The following CEP120 variants were observed in gnomAD, a reference collection of about 807,000 sequenced individuals.
The protein encoded by CEP120 is centrosomal protein of 120 kDa.
CEP120 carries 113 observed loss-of-function variants against 126.5 expected under a neutral mutation model. The observed-to-expected ratio is 0.89, with a 90% CI of 0.77 to 1.04. The LOEUF is 1.04. CEP120 is among the 50% of genes least tolerant of loss of function. The probability of loss-of-function intolerance (pLI) is 0.00; values close to 1 mark genes in which losing one functional copy is unlikely to be tolerated. For synonymous variants in CEP120, 400 were observed against 394.3 expected, an observed-to-expected ratio of 1.01 and a Z score of -0.17; for missense variants, 1,230 against 1,155.7, an observed-to-expected ratio of 1.06 and a Z score of -0.93.
At chr5:123,422,750 C>A (rs1016041944) in intron 1 of CEP120, among the ~76,000 whole-genome samples, 200 bp downstream of exon 1, 11 of 152,226 alleles carry the variant, frequency 7.2e-5, no homozygotes, top group African/African-American at 2.7e-4. Flanking sequence ...TATCACTTAT[C>A]CCTAATAGCG....
At chr5:123,370,243 G>C (rs924598128) in intron 17 of CEP120, among the ~76,000 whole-genome samples, 1 of 151,910 alleles carries the variant, frequency 6.6e-6, no homozygotes, top group Non-Finnish European at 1.5e-5. Context: ...GTTCCTAGAG[G>C]AATCTATTCC....
At chr5:123,421,756 G>C (rs755707998) in intron 1 of CEP120, among the ~76,000 whole-genome samples, 1 of 152,164 alleles carries the variant, frequency 6.6e-6, no homozygotes, top group Non-Finnish European at 1.5e-5. Context: ...TCAGTTATAA[G>C]TCTAAAAACT....
Position 123,386,874 on chromosome 5 carries a change from C to T in CEP120, c.1431-207G>A, listed in dbSNP as rs61604748. ...CCTACCTTTTTTATCTCTGCACTCC[C>T]AGGGACACAGGCAGTTTCTGCCATA... On this transcript the variant is annotated intron_variant, in intron 9 of 19. Coordinates refer to ENST00000306467, the MANE Select transcript of CEP120 (RefSeq NM_001375405.1). 0.4 allele frequency among the ~76,000 whole-genome samples: 60,879 copies of T among 151,820 alleles called. 12,345 individuals carry two copies. The highest frequency in any genetic ancestry group is 0.48 in the East Asian group (2,459 of 5,160).
intron 2 of CEP120, among the ~76,000 whole-genome samples, chr5:123,416,560 G>A (rs1774405958): frequency 6.6e-6 from 1 of 151,764 alleles, no homozygotes; most frequent in Non-Finnish European, 1.5e-5. Flanking sequence ...GACAGATCAA[G>A]ACTCCATCTC....
At chr5:123,392,422 G>A (rs2127073871) in intron 6 of CEP120, among the ~76,000 whole-genome samples, 1 of 152,254 alleles carries the variant, frequency 6.6e-6, no homozygotes, top group East Asian at 1.9e-4. Context: ...AAACAAATGA[G>A]TATCTAAGCG....
At position 123,408,268 on chromosome 5, in the gene CEP120, T is replaced by C. The variant is rs184636691; in HGVS notation, c.463+4131A>G. On this transcript the variant is annotated intron_variant, in intron 4 of 19. Transcript: ENST00000306467. ...GTAAGCAGAAGATAATAATAAAAAT[T>C]ACAGCAAATCAATAGAACTGAAGAC... Among the ~76,000 whole-genome samples, 12 of 151,428 alleles carry C rather than the reference T, an allele frequency of 7.9e-5. No individual in the cohort carries two copies. The East Asian group carries it at 2.3e-3, about 29-fold the overall frequency.
intron 3 of CEP120, among the ~76,000 whole-genome samples, chr5:123,414,556 TTTTAATTG>T (rs1774262002): frequency 6.6e-6 from 1 of 152,206 alleles, no homozygotes; most frequent in Non-Finnish European, 1.5e-5. Context: ...GAAGATATTA[TTTTAATTG>T]TTTAACTTTT....
chr5:123,408,991 G>A (rs1773870811), intron 4 of CEP120, among the ~76,000 whole-genome samples: 1 of 152,190 alleles, frequency 6.6e-6, no homozygotes, highest in African/African-American at 2.4e-5. Flanking sequence ...AGGATCACTT[G>A]AGCCCAGGAG....
intron 17 of CEP120, among the ~76,000 whole-genome samples, chr5:123,370,856 G>A (rs915907940): frequency 3.3e-5 from 5 of 150,978 alleles, no homozygotes; most frequent in Admixed American, 6.6e-5. Context: ...TCTGCCCACC[G>A]TGGCTTCCCA....
chr5:123,382,090 C>T (rs776100506), intron 14 of CEP120, 21 bp downstream of exon 14: 2 of 1,453,826 alleles, frequency 1.4e-6, no homozygotes, highest in South Asian at 1.2e-5. Context: ...TTCTCTTCCT[C>T]ACTTTTACAC....
At chr5:123,403,050 A>C (rs1773373007) in intron 4 of CEP120, among the ~76,000 whole-genome samples, 1 of 152,234 alleles carries the variant, frequency 6.6e-6, no homozygotes, top group Admixed American at 6.5e-5. Flanking sequence ...TAAATTACCC[A>C]GTCTGTAGTG....
At chr5:123,409,819 T>C (rs1023373332) in intron 4 of CEP120, among the ~76,000 whole-genome samples, 2 of 151,904 alleles carry the variant, frequency 1.3e-5, no homozygotes, top group Non-Finnish European at 2.9e-5. Context: ...TAGCCAGGCA[T>C]GGTGGCATAT....
chr5:123,382,679 AG>A, intron 13 of CEP120, 57 bp downstream of exon 13: 1 of 1,497,944 alleles, frequency 6.7e-7, no homozygotes, highest in Non-Finnish European at 9.0e-7. Flanking sequence ...GCTACGGAGA[AG>A]GAAAAATATA....
intron 3 of CEP120, among the ~76,000 whole-genome samples, chr5:123,413,591 T>C (rs966015584): frequency 9.9e-5 from 15 of 152,182 alleles, no homozygotes; most frequent in African/African-American, 3.4e-4. Flanking sequence ...GGAAACAGCA[T>C]TTTTTACTCT....
chr5:123,370,722 T>C (rs889457549), intron 17 of CEP120, among the ~76,000 whole-genome samples: 7 of 147,950 alleles, frequency 4.7e-5, no homozygotes, highest in Non-Finnish European at 1.0e-4. Flanking sequence ...TATACATACA[T>C]ACACACATAT....
In CEP120 at chr5:123,345,165, T is replaced by G. The variant is rs1011788610; in HGVS notation, c.*1354A>C. The G allele has an allele frequency of 6.6e-6, 1 of 152,118 alleles. No homozygotes were observed. The highest frequency in any genetic ancestry group is 1.5e-5 in the Non-Finnish European group (1 of 68,012). The allele number at this position is 152,118 out of a possible 1,614,324, so 9.4% of individuals were successfully genotyped here. A position where few individuals can be genotyped will look rare whatever the true frequency, so the allele number is the denominator to read the frequency against. On this transcript the variant is annotated 3_prime_UTR_variant, in exon 20 of 20. Transcript: ENST00000306467. ...TGAGAGAAAAATAGCTAACCATAAT[T>G]AATATTGCAAATTCCTGCTATGATT...
At chr5:123,363,289 C>T (rs933671475) in intron 18 of CEP120, among the ~76,000 whole-genome samples, 2 of 151,576 alleles carry the variant, frequency 1.3e-5, no homozygotes, top group African/African-American at 2.4e-5. Context: ...GTACTTTCTC[C>T]TCCTGAGTAC....
chr5:123,390,121 G>C lies in CEP120; in HGVS notation c.1058C>G (p.Thr353Ser). The change falls in exon 8 of 20, where the codon ACC (threonine) becomes AGC (serine). Residue 353 changes from threonine (T) to serine (S), a missense_variant. Coordinates refer to ENST00000306467, the MANE Select transcript of CEP120 (RefSeq NM_001375405.1). Reference sequence around the variant, plus strand: ...ATGCTCTGGCTCATGTTCATTCTGGGTCTTTAATTCAATTAAAGACTAAAA... The same window carrying C: ...ATGCTCTGGCTCATGTTCATTCTGGCTCTTTAATTCAATTAAAGACTAAAA... ...IDSQSLIELKTQNEHEPEHSK... is the reference protein window; with the variant it reads ...IDSQSLIELKSQNEHEPEHSK... 6.2e-7 allele frequency: 1 copy of C among 1,610,712 alleles called. No homozygotes were observed. Among genetic ancestry groups the C allele is most frequent in the Non-Finnish European group, 8.5e-7 (1 of 1,178,480 alleles).
chr5:123,407,105 T>TAAAAAA (rs34074238), intron 4 of CEP120, among the ~76,000 whole-genome samples: 1 of 124,770 alleles, frequency 8.0e-6, no homozygotes, highest in African/African-American at 2.9e-5. Flanking sequence ...ACTAAAAAAG[T>TAAAAAA]AAAAAAAAAA....
Sources: gnomAD v4.1 joint callset for allele counts (sites outside exome capture counted in the v4.1 genomes callset) on GRCh38, gnomAD v4.1.1 for gene constraint, MANE v1.5 for transcripts, NCBI Gene and HGNC (gene_info 2026-07-23, HGNC 2026-07-21) for gene names.